The following ZNF710 variants were observed in gnomAD, a reference collection of about 807,000 sequenced individuals.
ZNF710 encodes the protein zinc finger protein 710.
A neutral mutation model predicts 50.6 loss-of-function variants in ZNF710; 13 were observed. The ratio of observed to expected loss-of-function variants is 0.26; its 90% CI spans 0.17 to 0.41. The LOEUF is 0.41. ZNF710 is among the 10% of genes least tolerant of loss of function. The pLI is 1.00. For synonymous variants in ZNF710, 383 were observed against 397.0 expected (o/e 0.96, Z 0.42); for missense variants, 721 against 936.6 (o/e 0.77, Z 3.01).
At position 90,068,606 on chromosome 15, in the gene ZNF710, TCC is replaced by T; in HGVS notation, c.1458+13_1458+14del. 1 of 1,570,444 alleles carries T rather than the reference TCC, an allele frequency of 6.4e-7. No homozygotes were observed. The highest frequency in any genetic ancestry group is 8.6e-7 in the Non-Finnish European group (1 of 1,159,178). On this transcript the variant is annotated intron_variant, in intron 2 of 4. Coordinates refer to ENST00000268154, the MANE Select transcript of ZNF710 (RefSeq NM_198526.4). This position sits in a 1 kb window ranked among gnomAD's most constrained non-coding sequence, Gnocchi z 5.0. ...TCCCTCACCCACAAGGTAAGGCCGT[TCC>T]CAGGGCCTGGGCATCTGCCTGCCCC... is the stretch of plus-strand genomic sequence containing the variant.
Position 90,067,394 on chromosome 15 carries a change from A to G in ZNF710, c.257A>G (p.Glu86Gly), listed in dbSNP as rs1272417778. Reference protein sequence around the residue: ...LEEPAEEEVLEVEAACEKHTR... With the variant: ...LEEPAEEEVLGVEAACEKHTR... ...GAGCCGGCGGAGGAGGAGGTGCTGG[A>G]GGTGGAGGCAGCCTGTGAGAAGCAC... is the stretch of plus-strand genomic sequence containing the variant. Residue 86 changes from glutamate to glycine, a missense_variant, in exon 2 of 5, where the codon GAG becomes GGG. By Grantham distance (98) the Glu-to-Gly change is moderately conservative. Around this residue, in one of 3 missense-constraint regions of ZNF710, gnomAD observed 326 missense variants for 347.1 expected, o/e 0.94. Coordinates refer to ENST00000268154, the MANE Select transcript of ZNF710 (RefSeq NM_198526.4). This position sits in a 1 kb window ranked among gnomAD's most constrained non-coding sequence, Gnocchi z 8.1. 6.3e-7 allele frequency: 1 copy of G among 1,597,722 alleles called. No homozygotes were observed. The highest frequency in any genetic ancestry group is 1.7e-5 in the Admixed American group (1 of 57,164).
rs545937338 is a variant in ZNF710, at chr15:90,040,377, G to A, written c.-28-26733G>A. Among the ~76,000 whole-genome samples the A allele has an allele frequency of 2.6e-5, 4 of 152,212 alleles. No homozygotes were observed. The highest frequency in any genetic ancestry group is 6.5e-5 in the Admixed American group (1 of 15,282). ...TGTTAAAGCCACATGTGAACACTCC[G>A]CAGATTTTCCCTGCAAGGTACAAGC... On this transcript the variant is annotated intron_variant, in intron 1 of 4. Coordinates refer to ENST00000268154, the MANE Select transcript of ZNF710 (RefSeq NM_198526.4). The surrounding 1 kb of genome is among the most constrained non-coding windows in gnomAD (Gnocchi z 4.6).
chr15:90,066,768 A>G (rs1425421872), intron 1 of ZNF710, among the ~76,000 whole-genome samples: 4 of 152,150 alleles, frequency 2.6e-5, no homozygotes, highest in African/African-American at 9.7e-5. Flanking sequence ...GTGAGCCACC[A>G]TGCCCGGTCT....
intron 1 of ZNF710, among the ~76,000 whole-genome samples, chr15:90,016,487 G>A (rs1470628416): frequency 6.6e-6 from 1 of 152,050 alleles, no homozygotes; most frequent in Non-Finnish European, 1.5e-5. Flanking sequence ...TGTCACCCAC[G>A]CTAGAATGCA....
At chr15:90,012,022 T>C (rs919424453) in intron 1 of ZNF710, among the ~76,000 whole-genome samples, 1 of 152,126 alleles carries the variant, frequency 6.6e-6, no homozygotes, top group Non-Finnish European at 1.5e-5. Context: ...CTGGCCAACA[T>C]GGTGAAACCC....
intron 2 of ZNF710, among the ~76,000 whole-genome samples, chr15:90,070,549 A>C (rs1200117799): frequency 6.6e-6 from 1 of 151,910 alleles, no homozygotes; most frequent in African/African-American, 2.4e-5. Context: ...GGTGGTGTGC[A>C]CCTGTAGTCC....
At chr15:90,066,329 A>G (rs1021517628) in intron 1 of ZNF710, among the ~76,000 whole-genome samples, 2 of 152,174 alleles carry the variant, frequency 1.3e-5, no homozygotes, top group African/African-American at 4.8e-5. Flanking sequence ...GTGCAAATTA[A>G]TTACTTTGGC....
intron 1 of ZNF710, among the ~76,000 whole-genome samples, chr15:90,008,600 T>C (rs1341729095): frequency 2.0e-5 from 3 of 150,604 alleles, no homozygotes; most frequent in Non-Finnish European, 3.0e-5. Context: ...CTGGGCAACA[T>C]AGTGAGACCC....
At chr15:90,069,414 A>AAC (rs1235607814) in intron 2 of ZNF710, among the ~76,000 whole-genome samples, 1 of 151,786 alleles carries the variant, frequency 6.6e-6, no homozygotes, top group Non-Finnish European at 1.5e-5. Context: ...GTCTCCAAAA[A>AAC]AAAAAAATCA....
Position 90,034,454 on chromosome 15 carries a change from G to GTA in ZNF710, c.-28-32655_-28-32654insAT, listed in dbSNP as rs1243946628. On this transcript the variant is annotated intron_variant, in intron 1 of 4. Transcript: ENST00000268154. This position sits in a 1 kb window ranked among gnomAD's most constrained non-coding sequence, Gnocchi z 4.0. ...TGTGTGTGTGTGTGTGTGTGTGTGT[G>GTA]TGTGTGTGTGTGTGTGTGTGTATTC... is the stretch of plus-strand genomic sequence containing the variant. 1.3e-5 allele frequency among the ~76,000 whole-genome samples: 2 copies of GTA among 151,354 alleles called. No individual in the cohort carries two copies. The highest frequency in any genetic ancestry group is 4.9e-5 in the African/African-American group (2 of 41,192).
Position 90,067,791 on chromosome 15 carries a change from C to T in ZNF710, c.654C>T (p.Phe218=), listed in dbSNP as rs368466206. 7.0e-6 allele frequency: 11 copies of T among 1,581,352 alleles called. No individual in the cohort carries two copies. The highest frequency in any genetic ancestry group is 2.2e-5 in the East Asian group (1 of 44,522). Reference sequence around the variant, plus strand: ...AGGCCTTGCCCACAGAGTGTGGGTTCGAGCCACCCCACCTGGCCCCCCTGA... The same window carrying T: ...AGGCCTTGCCCACAGAGTGTGGGTTTGAGCCACCCCACCTGGCCCCCCTGA... ...GPEALPTECG[F]EPPHLAPLSD... Residue 218 remains phenylalanine, a synonymous_variant, in exon 2 of 5, where the codon TTC becomes TTT. Transcript: ENST00000268154. The surrounding 1 kb of genome is among the most constrained non-coding windows in gnomAD (Gnocchi z 8.1).
chr15:90,011,884 C>G (rs1183987286), intron 1 of ZNF710, among the ~76,000 whole-genome samples: 1 of 152,054 alleles, frequency 6.6e-6, no homozygotes. Context: ...AGCGTCATTC[C>G]ACTGTCTTCA....
Position 90,062,909 on chromosome 15 carries a change from C to G in ZNF710, c.-28-4201C>G, listed in dbSNP as rs1900054666. 6.6e-6 allele frequency among the ~76,000 whole-genome samples: 1 copy of G among 152,192 alleles called. No homozygotes were observed. Among genetic ancestry groups the G allele is most frequent in the Non-Finnish European group, 1.5e-5 (1 of 68,030 alleles). On this transcript the variant is annotated intron_variant, in intron 1 of 4. Transcript: ENST00000268154. The surrounding 1 kb of genome is among the most constrained non-coding windows in gnomAD (Gnocchi z 5.6). ...AGACAACATGGACACGGGGCCTGCC[C>G]CCATAAGCCTCACAAAGAGAGCATT...
intron 1 of ZNF710, among the ~76,000 whole-genome samples, chr15:90,007,881 C>T (rs1641035515): frequency 2.0e-5 from 3 of 151,888 alleles, no homozygotes; most frequent in Non-Finnish European, 2.9e-5. Context: ...CCCAAGGAAG[C>T]ACCTTGTGAA....
At chr15:90,054,615 T>C (rs1899753767) in intron 1 of ZNF710, among the ~76,000 whole-genome samples, 1 of 152,230 alleles carries the variant, frequency 6.6e-6, no homozygotes, top group Non-Finnish European at 1.5e-5. Flanking sequence ...AGAAATGGTG[T>C]GCTTTCATCC....
intron 4 of ZNF710, chr15:90,074,741 GAA>G (rs1336479685): frequency 3.0e-6 from 1 of 338,714 alleles, no homozygotes; most frequent in African/African-American, 2.2e-5. Flanking sequence ...GTATGGGAAA[GAA>G]AGTTAGAAAG....
chr15:90,017,388 C>T (rs1000545184), intron 1 of ZNF710, among the ~76,000 whole-genome samples: 2 of 152,180 alleles, frequency 1.3e-5, no homozygotes, highest in African/African-American at 4.8e-5. Flanking sequence ...CTGTAATTTA[C>T]AGGCTATAGC....
chr15:90,000,250 C>G (rs1897980205), upstream of ZNF710, among the ~76,000 whole-genome samples: 1 of 152,220 alleles, frequency 6.6e-6, no homozygotes, highest in Non-Finnish European at 1.5e-5. Flanking sequence ...CCCTTCCTGG[C>G]GGCACTGCCC....
At chr15:90,061,213 C>T (rs370174994) in intron 1 of ZNF710, among the ~76,000 whole-genome samples, 2 of 152,010 alleles carry the variant, frequency 1.3e-5, no homozygotes, top group East Asian at 3.9e-4. Context: ...GCCTGTCACC[C>T]AGGCTAGAGT....
Sources: gnomAD v4.1 joint callset for allele counts (sites outside exome capture counted in the v4.1 genomes callset) on GRCh38, gnomAD v4.1.1 for gene constraint, gnomAD v4.1.1 regional missense constraint, Gnocchi (gnomAD v3.1) non-coding constraint, MANE v1.5 for transcripts, NCBI Gene and HGNC (gene_info 2026-07-23, HGNC 2026-07-21) for gene names.